The following CSMD1 variants were observed in gnomAD, a reference collection of about 807,000 sequenced individuals.
CSMD1 encodes the protein CUB and Sushi multiple domains 1.
A neutral mutation model predicts 417.5 loss-of-function variants in CSMD1; 213 were observed. The ratio of observed to expected loss-of-function variants is 0.51; its 90% CI spans 0.46 to 0.57. The LOEUF (loss-of-function observed/expected upper bound fraction) is 0.57. Among genes scored for constraint, CSMD1 ranks in the 20% least tolerant of loss-of-function variants. The probability of loss-of-function intolerance (pLI) is 0.00; values close to 1 mark genes in which losing one functional copy is unlikely to be tolerated. For synonymous variants in CSMD1, 2,862 were observed against 1,736.8 expected, an observed-to-expected ratio of 1.65 and a Z score of -16.11; for missense variants, 6,923 against 4,529.7, an observed-to-expected ratio of 1.53 and a Z score of -15.17.
chr8:3,412,602 A>G (rs924784055), intron 12 of CSMD1, among the ~76,000 whole-genome samples: 1 of 152,146 alleles, frequency 6.6e-6, no homozygotes, highest in African/African-American at 2.4e-5. Flanking sequence ...CACACACAAA[A>G]TGCAGATATT....
intron 1 of CSMD1, among the ~76,000 whole-genome samples, chr8:4,728,015 A>G (rs906064969): frequency 1.4e-5 from 2 of 146,402 alleles, no homozygotes; most frequent in African/African-American, 2.5e-5. Flanking sequence ...TACAAAATAT[A>G]TATATATTTT....
At position 4,976,813 on chromosome 8, in the gene CSMD1, T is replaced by A. The variant is rs530224696; in HGVS notation, c.85+17519A>T. The stretch of plus-strand genomic sequence containing the variant: ...ACATCACTTCCTCTCACTGATATTT[T>A]TATTAAATATTCATTTAAGTAAGTG... On this transcript the variant is annotated intron_variant, in intron 1 of 69. Coordinates refer to ENST00000635120, the MANE Select transcript of CSMD1 (RefSeq NM_033225.6). Among the ~76,000 whole-genome samples, 3 of 152,280 alleles carry A rather than the reference T, an allele frequency of 2.0e-5. No homozygotes were observed. In the South Asian group the frequency reaches 6.2e-4, roughly 32 times the overall value.
At chr8:4,954,600 A>T (rs1808966542) in intron 1 of CSMD1, among the ~76,000 whole-genome samples, 2 of 152,124 alleles carry the variant, frequency 1.3e-5, no homozygotes, top group Non-Finnish European at 2.9e-5. Flanking sequence ...TATACTTTCT[A>T]AAAGAAGGAT....
intron 4 of CSMD1, among the ~76,000 whole-genome samples, chr8:4,002,216 TGA>T (rs1284852147): frequency 7.1e-5 from 10 of 140,184 alleles, no homozygotes; most frequent in Admixed American, 2.1e-4. Flanking sequence ...TGTGTGTGTG[TGA>T]GTGTGTGTGC....
intron 5 of CSMD1, among the ~76,000 whole-genome samples, chr8:3,934,636 C>G (rs984053221): frequency 3.3e-5 from 5 of 152,024 alleles, no homozygotes; most frequent in Non-Finnish European, 5.9e-5. Context: ...GGTAGATCAC[C>G]TCAGGTCAGG....
Position 3,409,413 on chromosome 8 carries a change from TA to T in CSMD1, c.1744+9del. 6.2e-7 allele frequency: 1 copy of T among 1,603,476 alleles called. No individual in the cohort carries two copies. Among genetic ancestry groups the T allele is most frequent in the South Asian group, 1.1e-5 (1 of 88,772 alleles). ...ACAGGAGGGAGTCCAGGTCAAGGCA[TA>T]ATACTCACATACACAGCTGGGCTTG... On this transcript the variant is annotated intron_variant, in intron 13 of 69. Transcript: ENST00000635120.
chr8:3,361,949 T>G (rs773161595), intron 20 of CSMD1, among the ~76,000 whole-genome samples: 14 of 152,330 alleles, frequency 9.2e-5, no homozygotes, highest in Non-Finnish European at 1.9e-4. Flanking sequence ...ATCATTATTA[T>G]ACAAAGTATA....
rs114438294 is a variant in CSMD1 at position 4,931,791 on chromosome 8, A to G, written c.85+62541T>C. ...CCACAGAAAGGGTGGTGAGGCTCAG[A>G]AAGACATTTGCAAACATTTTAGCTT... On this transcript the variant is annotated intron_variant, in intron 1 of 69. Coordinates refer to ENST00000635120, the MANE Select transcript of CSMD1 (RefSeq NM_033225.6). Among the ~76,000 whole-genome samples, 1,053 of 152,320 alleles carry G rather than the reference A, an allele frequency of 6.9e-3. 9 individuals carry two copies. Among genetic ancestry groups the G allele is most frequent in the African/African-American group, 0.025 (1,020 of 41,570 alleles).
At chr8:3,872,021 G>C (rs945684082) in intron 5 of CSMD1, among the ~76,000 whole-genome samples, 1 of 152,166 alleles carries the variant, frequency 6.6e-6, no homozygotes, top group Non-Finnish European at 1.5e-5. Flanking sequence ...GAGTATAGTG[G>C]TTAACACATT....
intron 5 of CSMD1, among the ~76,000 whole-genome samples, chr8:3,849,571 C>T (rs547946734): frequency 6.6e-6 from 1 of 152,248 alleles, no homozygotes; most frequent in African/African-American, 2.4e-5. Context: ...CAAATGAGTT[C>T]AGCTAATGCT....
chr8:4,237,230 A>G (rs1802120591), intron 3 of CSMD1, among the ~76,000 whole-genome samples: 4 of 152,308 alleles, frequency 2.6e-5, no homozygotes, highest in East Asian at 1.9e-4. Context: ...TTTTTTCCGA[A>G]GTAGACGTCC....
At chr8:3,627,826 G>C (rs553008240) in intron 7 of CSMD1, among the ~76,000 whole-genome samples, 34 of 152,240 alleles carry the variant, frequency 2.2e-4, no homozygotes, top group African/African-American at 8.2e-4. Flanking sequence ...AATATATTAA[G>C]GTGTCTGATT....
chr8:4,485,162 G>A (rs1007990172), intron 2 of CSMD1, among the ~76,000 whole-genome samples: 1 of 152,030 alleles, frequency 6.6e-6, no homozygotes, highest in Non-Finnish European at 1.5e-5. Context: ...TTCCTTAGAT[G>A]TCTACTGATT....
chr8:3,746,687 A>G (rs13281131), intron 6 of CSMD1, among the ~76,000 whole-genome samples: 23,529 of 152,222 alleles, frequency 0.15, 1,841 homozygotes, highest in Middle Eastern at 0.18. Context: ...ATTATCCCCA[A>G]TATCTACTCA....
At chr8:3,859,660 A>T (rs1804561136) in intron 5 of CSMD1, among the ~76,000 whole-genome samples, 1 of 152,146 alleles carries the variant, frequency 6.6e-6, no homozygotes, top group Admixed American at 6.6e-5. Context: ...GAGTGAGTTC[A>T]ACCATATGGG....
intron 5 of CSMD1, among the ~76,000 whole-genome samples, chr8:3,823,723 A>G (rs982930551): frequency 6.6e-6 from 1 of 152,158 alleles, no homozygotes; most frequent in Non-Finnish European, 1.5e-5. Flanking sequence ...TGAATCAAAT[A>G]ACCTTTTTAA....
At chr8:4,246,046 G>C (rs1363461416) in intron 3 of CSMD1, among the ~76,000 whole-genome samples, 1 of 152,086 alleles carries the variant, frequency 6.6e-6, no homozygotes, top group Non-Finnish European at 1.5e-5. Context: ...TAACTTTTAA[G>C]TTTAGTGGTA....
intron 54 of CSMD1, among the ~76,000 whole-genome samples, chr8:2,991,879 A>G (rs775127629): frequency 8.5e-5 from 13 of 152,226 alleles, no homozygotes; most frequent in Non-Finnish European, 1.9e-4. Context: ...CAGTGGGTAC[A>G]AAAGTCACAG....
intron 10 of CSMD1, among the ~76,000 whole-genome samples, chr8:3,535,429 C>T (rs1798155544): frequency 6.6e-6 from 1 of 152,138 alleles, no homozygotes; most frequent in African/African-American, 2.4e-5. Flanking sequence ...GGGGTCTTCC[C>T]TCCGGTTCCA....
Sources: allele counts gnomAD v4.1 joint callset (sites outside exome capture counted in the v4.1 genomes callset), GRCh38; gene constraint gnomAD v4.1.1; transcripts MANE v1.5; gene names NCBI Gene and HGNC (gene_info 2026-07-23, HGNC 2026-07-21).